The following KAZN variants were observed in gnomAD, a reference collection of about 807,000 sequenced individuals.
KAZN encodes kazrin.
In KAZN, 40 loss-of-function variants were observed where a neutral mutation model predicts 87.4. That is an observed-to-expected ratio of 0.46 (90% CI 0.36 to 0.60). The LOEUF is 0.60. KAZN is among the 20% of genes least tolerant of loss of function. KAZN has a pLI of 0.00. For missense variants in KAZN, 898 were observed against 1,073.9 expected (o/e 0.84, Z 2.29); for synonymous variants, 466 against 458.3 (o/e 1.02, Z -0.22).
chr1:13,977,262 T>C (rs548001975), intron 1 of KAZN, among the ~76,000 whole-genome samples: 1 of 152,336 alleles, frequency 6.6e-6, no homozygotes, highest in South Asian at 2.1e-4. Context: ...AACATGAAAC[T>C]TGAAATAAAA....
chr1:14,252,675 A>ATCTTT (rs1650156175), intron 2 of KAZN, among the ~76,000 whole-genome samples: 1 of 152,224 alleles, frequency 6.6e-6, no homozygotes, highest in Non-Finnish European at 1.5e-5. Flanking sequence ...GCTTAAACAA[A>ATCTTT]TCTTTAGACA....
At chr1:14,835,592 T>C (rs529773484) in intron 1 of KAZN, among the ~76,000 whole-genome samples, 1 of 152,290 alleles carries the variant, frequency 6.6e-6, no homozygotes, top group East Asian at 1.9e-4. Context: ...GTTAAATAAC[T>C]GGCCCCAAAT....
intron 1 of KAZN, among the ~76,000 whole-genome samples, chr1:14,624,417 G>A (rs1421146724): frequency 2.1e-5 from 3 of 143,662 alleles, no homozygotes; most frequent in East Asian, 2.0e-4. Context: ...GCGAGACTCC[G>A]TCTCAAGAAA....
chr1:13,982,036 C>T (rs1369912707), intron 1 of KAZN, among the ~76,000 whole-genome samples: 1 of 152,190 alleles, frequency 6.6e-6, no homozygotes, highest in Admixed American at 6.5e-5. Flanking sequence ...TGTTGATTCC[C>T]ACCCCTCAGA....
intron 1 of KAZN, among the ~76,000 whole-genome samples, chr1:14,676,029 G>A (rs1414343760): frequency 2.0e-5 from 3 of 151,880 alleles, no homozygotes; most frequent in Non-Finnish European, 2.9e-5. Flanking sequence ...GATGCTGACC[G>A]GACGTGTTGG....
intron 8 of KAZN, among the ~76,000 whole-genome samples, chr1:15,092,073 A>ATTTTTTTTTTTTTTTTTTTTTTGT (rs58871336): frequency 1.3e-5 from 1 of 75,486 alleles, no homozygotes; most frequent in Non-Finnish European, 2.5e-5. Context: ...TTTTTTTTTG[A>ATTTTTTTTTTTTTTTTTTTTTTGT]TTTTTTTTTT....
chr1:14,077,032 C>A (rs1408541817), intron 1 of KAZN, among the ~76,000 whole-genome samples: 1 of 152,132 alleles, frequency 6.6e-6, no homozygotes, highest in Non-Finnish European at 1.5e-5. Context: ...CGTTCTCAGC[C>A]CTAATTTTAC....
In KAZN at chr1:14,599,173, C is replaced by T. The variant is rs1676743826; in HGVS notation, c.176C>T (p.Ala59Val). 2.9e-6 allele frequency: 4 copies of T among 1,377,546 alleles called. No individual in the cohort carries two copies. Among genetic ancestry groups the T allele is most frequent in the South Asian group, 1.9e-5 (1 of 52,244 alleles). The allele number at this position is 1,377,546 out of a possible 1,614,324, so 85.3% of individuals were successfully genotyped here. Residue 59 changes from alanine (A) to valine (V), a missense_variant, in exon 1 of 15, where the codon GCG becomes GTG. Ala to Val is a moderately conservative substitution (Grantham distance 64, BLOSUM62 0). Around this residue, in one of 3 missense-constraint regions of KAZN, gnomAD observed 250 missense variants for 263.0 expected, o/e 0.95. Transcript: ENST00000376030. This position sits in a 1 kb window ranked among gnomAD's most constrained non-coding sequence, Gnocchi z 4.4. The stretch of plus-strand genomic sequence containing the variant: ...GGAGCCGCGGCCAGCGCCTCGGCGG[C>T]GGGGGACTCGGCGGCGACGAACATG... ...GPGAAASASA[A>V]GDSAATNMEN...
chr1:14,736,686 T>C (rs963332936), intron 1 of KAZN, among the ~76,000 whole-genome samples: 6 of 152,078 alleles, frequency 3.9e-5, no homozygotes, highest in African/African-American at 1.4e-4. Context: ...TAAGAAACAC[T>C]GGCTAAGACA....
chr1:14,211,706 G>T (rs1377311114), intron 2 of KAZN, among the ~76,000 whole-genome samples: 1 of 152,008 alleles, frequency 6.6e-6, no homozygotes, highest in Non-Finnish European at 1.5e-5. Context: ...CTTAAAATTG[G>T]CCATGATGGG....
intron 2 of KAZN, among the ~76,000 whole-genome samples, chr1:14,182,779 C>T (rs1200337216): frequency 6.6e-6 from 1 of 152,160 alleles, no homozygotes; most frequent in Non-Finnish European, 1.5e-5. Context: ...TCTCTCAATT[C>T]CAAAGACAAA....
At chr1:14,557,629 G>GTGTGTGTGTGT (rs1673971745) in intron 2 of KAZN, among the ~76,000 whole-genome samples, 1 of 137,880 alleles carries the variant, frequency 7.3e-6, no homozygotes, top group Non-Finnish European at 1.6e-5. Flanking sequence ...GGTGTGTGTG[G>GTGTGTGTGTGT]GTGTGTGTGT....
chr1:14,098,951 C>G (rs1416448077), intron 1 of KAZN, among the ~76,000 whole-genome samples: 1 of 152,156 alleles, frequency 6.6e-6, no homozygotes, highest in Admixed American at 6.6e-5. Context: ...TGCCCATTAG[C>G]CCTTCCTGTT....
intron 2 of KAZN, among the ~76,000 whole-genome samples, chr1:14,375,812 C>T (rs955950886): frequency 1.2e-4 from 19 of 152,046 alleles, no homozygotes; most frequent in African/African-American, 2.9e-4. Context: ...GGCATGAACC[C>T]GGGAGGCGGA....
intron 1 of KAZN, among the ~76,000 whole-genome samples, chr1:14,849,157 G>A (rs1649141108): frequency 6.6e-6 from 1 of 152,176 alleles, no homozygotes; most frequent in African/African-American, 2.4e-5. Flanking sequence ...AAGGGCCTGC[G>A]TTCATTCCGC....
chr1:13,946,420 A>G (rs1641149051), intron 1 of KAZN, among the ~76,000 whole-genome samples: 1 of 152,194 alleles, frequency 6.6e-6, no homozygotes, highest in African/African-American at 2.4e-5. Context: ...CATCCATAAA[A>G]TAGAAATAAA....
At chr1:14,313,194 T>TC (rs1401743846) in intron 2 of KAZN, among the ~76,000 whole-genome samples, 16 of 152,242 alleles carry the variant, frequency 1.1e-4, no homozygotes, top group African/African-American at 3.8e-4. Context: ...GAAGCTGTGC[T>TC]CTATACTTCA....
chr1:13,951,359 G>A (rs1318299855), intron 1 of KAZN, among the ~76,000 whole-genome samples: 1 of 152,150 alleles, frequency 6.6e-6, no homozygotes, highest in Non-Finnish European at 1.5e-5. Context: ...AAGGGTAGAT[G>A]AGGATAAGAT....
chr1:14,361,129 G>A (rs1011061898), intron 2 of KAZN, among the ~76,000 whole-genome samples: 13 of 152,312 alleles, frequency 8.5e-5, no homozygotes, highest in South Asian at 4.1e-4. Context: ...GAGATGCTCC[G>A]CCCAGAGAGG....
Sources: allele counts gnomAD v4.1 joint callset (sites outside exome capture counted in the v4.1 genomes callset), GRCh38; gene constraint gnomAD v4.1.1; regional missense constraint gnomAD v4.1.1; non-coding constraint Gnocchi (gnomAD v3.1); transcripts MANE v1.5; gene names NCBI Gene and HGNC (gene_info 2026-07-23, HGNC 2026-07-21).